Variants in TMC7 observed in about 807,000 individuals in gnomAD.
TMC7 encodes transmembrane channel-like protein 7.
TMC7 carries 54 observed loss-of-function variants against 82.9 expected under a neutral mutation model. The observed-to-expected ratio is 0.65, with a 90% CI of 0.52 to 0.82. The LOEUF (loss-of-function observed/expected upper bound fraction) is 0.82. Ranked by LOEUF, TMC7 falls within the 40% of genes least tolerant of loss-of-function variation. TMC7 has a pLI of 0.00. For missense variants in TMC7, 820 were observed against 901.2 expected (o/e 0.91, Z 1.15); for synonymous variants, 350 against 337.9 (o/e 1.04, Z -0.39).
intron 1 of TMC7, among the ~76,000 whole-genome samples, chr16:18,985,283 T>C (rs2038826029): frequency 6.7e-6 from 1 of 149,374 alleles, no homozygotes; most frequent in Non-Finnish European, 1.5e-5. Context: ...ACCAAGGATA[T>C]AGAATAAAAC....
intron 1 of TMC7, among the ~76,000 whole-genome samples, chr16:19,008,362 T>C (rs1365124373): frequency 6.6e-6 from 1 of 152,226 alleles, no homozygotes; most frequent in African/African-American, 2.4e-5. Flanking sequence ...TTGTCTGCAG[T>C]GCTCCCAATC....
At chr16:18,997,834 A>T (rs1410067738) in intron 1 of TMC7, among the ~76,000 whole-genome samples, 1 of 147,326 alleles carries the variant, frequency 6.8e-6, no homozygotes, top group East Asian at 2.0e-4. Flanking sequence ...GGTTCACACC[A>T]TTCTCCTGCC....
intron 1 of TMC7, among the ~76,000 whole-genome samples, chr16:19,005,360 T>A (rs1465883239): frequency 6.6e-6 from 1 of 152,186 alleles, no homozygotes; most frequent in Non-Finnish European, 1.5e-5. Flanking sequence ...AGTGCTGGGA[T>A]TACAGGCGTG....
At chr16:19,010,262 C>A (rs2039318746) in intron 2 of TMC7, among the ~76,000 whole-genome samples, 2 of 150,876 alleles carry the variant, frequency 1.3e-5, no homozygotes, top group African/African-American at 4.9e-5. Context: ...TCAAGCGATT[C>A]TCCTGCCTCA....
intron 12 of TMC7, among the ~76,000 whole-genome samples, chr16:19,048,209 C>G (rs1961374738): frequency 6.6e-6 from 1 of 150,760 alleles, no homozygotes; most frequent in Non-Finnish European, 1.5e-5. Context: ...CTCCAGGGCT[C>G]AAGTAATCCT....
intron 14 of TMC7, among the ~76,000 whole-genome samples, chr16:19,057,313 A>C (rs568555634): frequency 6.6e-6 from 1 of 152,292 alleles, no homozygotes; most frequent in South Asian, 2.1e-4. Flanking sequence ...CTCTTTGACA[A>C]GGAACAGATT....
In TMC7 at chr16:18,984,145, AGC is replaced by A. The variant is rs1279139896; in HGVS notation, c.67+23_67+24del. 2 of 1,489,928 alleles carry A rather than the reference AGC, an allele frequency of 1.3e-6. No homozygotes were observed. The highest frequency in any genetic ancestry group is 1.5e-5 in the African/African-American group (1 of 68,430). The allele number at this position is 1,489,928 out of a possible 1,614,324, so 92.3% of individuals were successfully genotyped here. A position where few individuals can be genotyped will look rare whatever the true frequency, so the allele number is the denominator to read the frequency against. The stretch of plus-strand genomic sequence containing the variant: ...GGTCCATCCAGGTAGGGCGGCAGGG[AGC>A]GCGCGCGGGGACGGTGCCCCTGGGG... On this transcript the variant is annotated intron_variant, in intron 1 of 15. Transcript: ENST00000304381.
At chr16:19,041,440 A>C (rs568011213) in intron 9 of TMC7, among the ~76,000 whole-genome samples, 10 of 151,254 alleles carry the variant, frequency 6.6e-5, no homozygotes, top group African/African-American at 2.2e-4. Context: ...ATCTTGGCTC[A>C]CTGCAACCTC....
intron 1 of TMC7, among the ~76,000 whole-genome samples, chr16:18,991,922 G>T (rs1312884740): frequency 6.6e-6 from 1 of 152,190 alleles, no homozygotes; most frequent in South Asian, 2.1e-4. Context: ...CAAAGGACAT[G>T]AACTCATCCT....
chr16:18,993,190 A>T (rs2038981833), intron 1 of TMC7, among the ~76,000 whole-genome samples: 1 of 152,186 alleles, frequency 6.6e-6, no homozygotes, highest in African/African-American at 2.4e-5. Flanking sequence ...GAGTGAGTAT[A>T]AAAGTAAAGA....
rs368198732 is a variant in TMC7 at position 19,051,751 on chromosome 16, C to T, written c.1806C>T (p.Phe602=). The T allele has an allele frequency of 2.4e-5, 38 of 1,614,038 alleles. 1 individual carries two copies. Among genetic ancestry groups the T allele is most frequent in the Admixed American group, 1.2e-4 (7 of 59,982 alleles). Reference sequence around the variant, plus strand: ...TCAGAGCATCCAATTCTAATTTCTTCTTCCTGTTGGTGTTGTTGATCGGGC... The same window carrying T: ...TCAGAGCATCCAATTCTAATTTCTTTTTCCTGTTGGTGTTGTTGATCGGGC... ...RPFRASNSNF[F]FLLVLLIGLC... Residue 602 remains phenylalanine, a synonymous_variant, in exon 13 of 16, where the codon TTC becomes TTT. Coordinates refer to ENST00000304381, the MANE Select transcript of TMC7 (RefSeq NM_024847.4).
rs528181741 is a variant in TMC7 at position 19,058,168 on chromosome 16, G to C, written c.2028-1248G>C. Among the ~76,000 whole-genome samples, 17 of 152,210 alleles carry C rather than the reference G, an allele frequency of 1.1e-4. No homozygotes were observed. In the South Asian group the frequency reaches 3.3e-3, roughly 30 times the overall value. ...GCACTTTGGGAGGCCGAGGCGGGTG[G>C]ATCACTTGAGGTCAGGAGTTCGAGA... is the stretch of plus-strand genomic sequence containing the variant. On this transcript the variant is annotated intron_variant, in intron 14 of 15. Transcript: ENST00000304381.
At position 19,060,454 on chromosome 16, in the gene TMC7, C is replaced by A. The variant is rs915651431; in HGVS notation, c.2106+960C>A. 8.5e-5 allele frequency among the ~76,000 whole-genome samples: 13 copies of A among 152,274 alleles called. No individual in the cohort carries two copies. In the South Asian group the frequency reaches 2.7e-3, roughly 32 times the overall value. On this transcript the variant is annotated intron_variant, in intron 15 of 15. Coordinates refer to ENST00000304381, the MANE Select transcript of TMC7 (RefSeq NM_024847.4). ...TCCTGGGCTCAAGTGATTGTCCCCT[C>A]TCAGTTCCCCAAAGTGCTGGGATTA...
chr16:19,010,326 G>A (rs1021257675), intron 2 of TMC7, among the ~76,000 whole-genome samples: 3 of 151,784 alleles, frequency 2.0e-5, no homozygotes, highest in Non-Finnish European at 4.4e-5. Flanking sequence ...AGCTAATTTT[G>A]TATTTGTAGT....
At chr16:19,000,256 A>G (rs1226531447) in intron 1 of TMC7, among the ~76,000 whole-genome samples, 1 of 151,828 alleles carries the variant, frequency 6.6e-6, no homozygotes, top group African/African-American at 2.4e-5. Flanking sequence ...ATTTGAGGCC[A>G]AGAGTTCGAG....
At chr16:19,051,096 G>T (rs1000338140) in intron 12 of TMC7, among the ~76,000 whole-genome samples, 1 of 151,998 alleles carries the variant, frequency 6.6e-6, no homozygotes, top group African/African-American at 2.4e-5. Flanking sequence ...CAGTTATTCC[G>T]TGTTATCAAT....
At chr16:18,987,726 G>A (rs2038877700) in intron 1 of TMC7, among the ~76,000 whole-genome samples, 2 of 152,300 alleles carry the variant, frequency 1.3e-5, no homozygotes, top group Non-Finnish European at 2.9e-5. Context: ...ATGAATAAAT[G>A]AATGAATGAA....
intron 1 of TMC7, among the ~76,000 whole-genome samples, chr16:18,992,104 A>G (rs950555936): frequency 1.3e-5 from 2 of 152,170 alleles, no homozygotes; most frequent in African/African-American, 2.4e-5. Context: ...TCCTTTGGGT[A>G]TATACCCAGT....
Position 19,023,199 on chromosome 16 carries a change from A to T in TMC7, c.711+4A>T, listed in dbSNP as rs1337741079. On this transcript the variant is annotated splice_donor_region_variant and intron_variant, in intron 5 of 15. Transcript: ENST00000304381. ...CATAGACTTGCTTTCTGGCACTGTA[A>T]GTATTTAACATAATCCTTTGTTTAG... is the stretch of plus-strand genomic sequence containing the variant. The T allele has an allele frequency of 6.4e-7, 1 of 1,567,578 alleles. No individual in the cohort carries two copies. The highest frequency in any genetic ancestry group is 1.7e-5 in the Admixed American group (1 of 59,080).
Sources: gnomAD v4.1 joint callset for allele counts (sites outside exome capture counted in the v4.1 genomes callset) on GRCh38, gnomAD v4.1.1 for gene constraint, MANE v1.5 for transcripts, NCBI Gene and HGNC (gene_info 2026-07-23, HGNC 2026-07-21) for gene names.